Variants in AFF3 observed in about 807,000 individuals in gnomAD.
AFF3 encodes ALF transcription elongation factor 3.
Under a neutral mutation model 129.7 loss-of-function variants are expected in AFF3, and 32 were observed. That is an observed-to-expected ratio of 0.25 (90% CI 0.19 to 0.33). The LOEUF (loss-of-function observed/expected upper bound fraction) is 0.33, where lower values mean the gene tolerates loss of function less well. Ranked by LOEUF, AFF3 falls within the 10% of genes least tolerant of loss-of-function variation. AFF3 has a pLI of 1.00. For synonymous variants in AFF3, 644 were observed against 635.4 expected (o/e 1.01, Z -0.20); for missense variants, 1,373 against 1,592.0 (o/e 0.86, Z 2.34).
chr2:99,752,408 TA>T (rs1418749754), intron 8 of AFF3, 107 bp from the exon 9 acceptor site: 6 of 782,840 alleles, frequency 7.7e-6, no homozygotes, highest in African/African-American at 3.5e-5. Flanking sequence ...AGGGAAGGGT[TA>T]AAAAATGTAC....
intron 4 of AFF3, among the ~76,000 whole-genome samples, chr2:100,034,104 A>C (rs1467793107): frequency 6.6e-6 from 1 of 152,250 alleles, no homozygotes; most frequent in Non-Finnish European, 1.5e-5. Context: ...TCATGCAAGT[A>C]GCTTAAAAAC....
At chr2:99,901,002 A>G (rs1156580353) in intron 7 of AFF3, among the ~76,000 whole-genome samples, 2 of 152,232 alleles carry the variant, frequency 1.3e-5, no homozygotes, top group Non-Finnish European at 1.5e-5. Context: ...GGTCCCCTCT[A>G]ACAGCAGGTT....
At chr2:99,648,733 G>A (rs1684918391) in intron 13 of AFF3, among the ~76,000 whole-genome samples, 1 of 152,056 alleles carries the variant, frequency 6.6e-6, no homozygotes, top group South Asian at 2.1e-4. Context: ...AAGGAACTGG[G>A]AAGGAAGGCA....
At chr2:99,590,418 A>C (rs928881270) in intron 15 of AFF3, among the ~76,000 whole-genome samples, 11 of 152,190 alleles carry the variant, frequency 7.2e-5, no homozygotes, top group Non-Finnish European at 1.3e-4. Flanking sequence ...TTCAAAGATT[A>C]CAGGAAAAAT....
In AFF3 at chr2:100,129,295, G is replaced by A. The variant is rs1357979124; in HGVS notation, c.-216C>T. On this transcript the variant is annotated 5_prime_UTR_variant, in exon 2 of 25. Transcript: ENST00000672756. ...GCTGATCGTAAGGTCTAAATCATAT[G>A]TGTGAAACTTTCTGCAAAACAAAAG... is the stretch of plus-strand genomic sequence containing the variant. 1 of 152,012 alleles carries A rather than the reference G, an allele frequency of 6.6e-6. No homozygotes were observed. The highest frequency in any genetic ancestry group is 2.4e-5 in the African/African-American group (1 of 41,384). The allele number at this position is 152,012 out of a possible 1,614,324, so 9.4% of individuals were successfully genotyped here. A position where few individuals can be genotyped will look rare whatever the true frequency, so the allele number is the denominator to read the frequency against.
At chr2:99,882,617 A>G (rs924182181) in intron 7 of AFF3, among the ~76,000 whole-genome samples, 3 of 152,246 alleles carry the variant, frequency 2.0e-5, no homozygotes, top group African/African-American at 4.8e-5. Flanking sequence ...TGGCTGATGA[A>G]AGAGCATATC....
At chr2:99,673,799 C>A (rs932759001) in intron 11 of AFF3, among the ~76,000 whole-genome samples, 1 of 152,118 alleles carries the variant, frequency 6.6e-6, no homozygotes, top group African/African-American at 2.4e-5. Context: ...ACTTTTGGGG[C>A]GAACTGGGGG....
At chr2:100,026,698 T>C (rs997191994) in intron 4 of AFF3, among the ~76,000 whole-genome samples, 1 of 136,724 alleles carries the variant, frequency 7.3e-6, no homozygotes, top group Non-Finnish European at 1.6e-5. Context: ...TTGATATATA[T>C]AAATAAATAT....
intron 7 of AFF3, among the ~76,000 whole-genome samples, chr2:99,920,109 G>A (rs1695752140): frequency 6.6e-6 from 1 of 151,942 alleles, no homozygotes; most frequent in Non-Finnish European, 1.5e-5. Context: ...AGGACTAAAT[G>A]TCTCCACTGG....
At chr2:100,099,637 C>A (rs1303419074) in intron 4 of AFF3, among the ~76,000 whole-genome samples, 1 of 152,134 alleles carries the variant, frequency 6.6e-6, no homozygotes, top group African/African-American at 2.4e-5. Flanking sequence ...AGGATGTGCC[C>A]ATGCCCCCTC....
At chr2:99,805,305 G>A (rs1568786) in intron 8 of AFF3, among the ~76,000 whole-genome samples, 106,816 of 151,974 alleles carry the variant, frequency 0.7, 39,534 homozygotes, top group South Asian at 0.9. Flanking sequence ...ACCTCTCTTC[G>A]TTTAAGTTCA....
intron 7 of AFF3, among the ~76,000 whole-genome samples, chr2:99,843,461 C>T (rs1689474102): frequency 2.0e-5 from 3 of 152,108 alleles, no homozygotes; most frequent in African/African-American, 7.2e-5. Context: ...ACAGCCAGGG[C>T]TTTAACAGAG....
intron 7 of AFF3, among the ~76,000 whole-genome samples, chr2:100,004,116 C>T (rs1169378384): frequency 6.6e-6 from 1 of 152,120 alleles, no homozygotes; most frequent in African/African-American, 2.4e-5. Flanking sequence ...TTACCTAACC[C>T]TTCCAGCCCC....
rs552430595 is a variant in AFF3 at position 99,745,586 on chromosome 2, T to C, written c.1003-1446A>G. On this transcript the variant is annotated intron_variant, in intron 9 of 24. Transcript: ENST00000672756. ...TATTGACTTTTAATCTAACTTTTCT[T>C]TGAATGAACCTTTACTGCCACCCAT... 1.6e-3 allele frequency among the ~76,000 whole-genome samples: 248 copies of C among 152,298 alleles called. 1 individual carries two copies. Among genetic ancestry groups the C allele is most frequent in the African/African-American group, 5.4e-3 (226 of 41,564 alleles).
intron 11 of AFF3, among the ~76,000 whole-genome samples, chr2:99,719,326 A>G (rs1678678678): frequency 6.6e-6 from 1 of 152,118 alleles, no homozygotes; most frequent in African/African-American, 2.4e-5. Context: ...CATTATTTTC[A>G]TGCGTCACTG....
intron 12 of AFF3, among the ~76,000 whole-genome samples, chr2:99,652,958 A>G (rs1407696333): frequency 6.6e-6 from 1 of 152,108 alleles, no homozygotes; most frequent in Non-Finnish European, 1.5e-5. Flanking sequence ...AGCCTGAGGA[A>G]CCCACGCAGA....
intron 11 of AFF3, among the ~76,000 whole-genome samples, chr2:99,678,544 C>T (rs1400187560): frequency 1.3e-5 from 2 of 152,154 alleles, no homozygotes; most frequent in Non-Finnish European, 2.9e-5. Context: ...CTTAACAGAT[C>T]GGAATCCTTT....
chr2:99,828,550 C>T lies in AFF3; in HGVS notation c.921+8927G>A, dbSNP rs542026835. 5.3e-5 allele frequency among the ~76,000 whole-genome samples: 8 copies of T among 152,254 alleles called. No homozygotes were observed. In the South Asian group the frequency reaches 1.2e-3, roughly 24 times the overall value. On this transcript the variant is annotated intron_variant, in intron 8 of 24. Transcript: ENST00000672756. ...GAACGTGTAGCGAGCTAGCAGAGAC[C>T]GCCACGAGACGGACCCACTTCCAAA...
intron 10 of AFF3, among the ~76,000 whole-genome samples, chr2:99,742,188 T>TC (rs1253292791): frequency 2.6e-5 from 4 of 151,956 alleles, no homozygotes; most frequent in African/African-American, 9.7e-5. Context: ...AAATGCTGTC[T>TC]ATAAGAAAAA....
Sources: gnomAD v4.1 joint callset for allele counts (sites outside exome capture counted in the v4.1 genomes callset) on GRCh38, gnomAD v4.1.1 for gene constraint, MANE v1.5 for transcripts, NCBI Gene and HGNC (gene_info 2026-07-23, HGNC 2026-07-21) for gene names.